Variants in PHC2 observed in about 807,000 individuals in gnomAD.
PHC2 encodes the protein polyhomeotic homolog 2.
A neutral mutation model predicts 87.4 loss-of-function variants in PHC2; 29 were observed. The observed-to-expected ratio is 0.33, with a 90% CI of 0.25 to 0.45. The LOEUF (loss-of-function observed/expected upper bound fraction) is 0.45, where lower values mean the gene tolerates loss of function less well. Among genes scored for constraint, PHC2 ranks in the 20% least tolerant of loss-of-function variants. PHC2 has a pLI of 1.00. For synonymous variants in PHC2, 438 were observed against 461.7 expected (o/e 0.95, Z 0.66); for missense variants, 857 against 1,136.7 (o/e 0.75, Z 3.54).
At chr1:33,384,994 T>C (rs927873755) in intron 1 of PHC2, among the ~76,000 whole-genome samples, 7 of 152,236 alleles carry the variant, frequency 4.6e-5, no homozygotes, top group Admixed American at 3.9e-4. Flanking sequence ...GAAGGGACCT[T>C]TGAAACTATT....
Position 33,332,117 on chromosome 1 carries a change from CCT to C in PHC2, c.1891+156_1891+157del, listed in dbSNP as rs1646512891. Among the ~76,000 whole-genome samples the C allele has an allele frequency of 6.6e-6, 1 of 152,196 alleles. No individual in the cohort carries two copies. Among genetic ancestry groups the C allele is most frequent in the Non-Finnish European group, 1.5e-5 (1 of 68,042 alleles). ...CATGGTTCCCGTGATTTCCCCTATC[CCT>C]CTTTTTGAGGGAAGGAGGCTGAGGA... On this transcript the variant is annotated intron_variant, in intron 11 of 14. Transcript: ENST00000683057. This position sits in a 1 kb window ranked among gnomAD's most constrained non-coding sequence, Gnocchi z 4.2.
intron 1 of PHC2, chr1:33,392,642 T>G (rs930374155): frequency 6.6e-6 from 1 of 152,200 alleles, no homozygotes; most frequent in Non-Finnish European, 1.5e-5. Context: ...AATATTGGTT[T>G]GACTGAGTAA....
At chr1:33,407,433 A>G (rs6425817) in intron 1 of PHC2, among the ~76,000 whole-genome samples, 108,987 of 151,744 alleles carry the variant, frequency 0.72, 39,950 homozygotes, top group African/African-American at 0.87. Flanking sequence ...AGCACCAGAA[A>G]CCACTACTAG....
rs929188447 is a variant in PHC2, at chr1:33,431,065, C to T, written c.-144G>A. The T allele has an allele frequency of 2.0e-5, 3 of 151,908 alleles. No individual in the cohort carries two copies. In the East Asian group the frequency reaches 5.8e-4, roughly 29 times the overall value. 9.4% of individuals were successfully genotyped at this position (151,908 alleles called of 1,614,324 possible). A position where few individuals can be genotyped will look rare whatever the true frequency, so the allele number is the denominator to read the frequency against. ...GCCCCCTCGGCTCGGCGCCGCGCAC[C>T]CTGCTGGCTGCTCGGACGCTGCCCG... On this transcript the variant is annotated 5_prime_UTR_variant, in exon 1 of 15. Transcript: ENST00000683057.
intron 1 of PHC2, among the ~76,000 whole-genome samples, chr1:33,425,303 C>A (rs1184331228): frequency 6.6e-6 from 1 of 152,180 alleles, no homozygotes; most frequent in East Asian, 1.9e-4. Context: ...TTACATTTAA[C>A]CTTCAACAAC....
At chr1:33,400,114 T>C (rs1183767378) in intron 1 of PHC2, among the ~76,000 whole-genome samples, 3 of 152,170 alleles carry the variant, frequency 2.0e-5, no homozygotes, top group African/African-American at 7.2e-5. Context: ...AAGTATAAGA[T>C]TGGTAAACAT....
In PHC2 at chr1:33,367,338, G is replaced by C. The variant is rs561418548; in HGVS notation, c.754C>G (p.Leu252Val). Residue 252 changes from leucine to valine, a missense_variant, in exon 7 of 15, where the codon CTG becomes GTG. This residue lies in a region of PHC2 where 832 missense variants were observed against 1,081.8 expected (regional missense o/e 0.77). Transcript: ENST00000683057. ...TGGCTACCGCCCGGCGTGGGTTTCA[G>C]GGCCAAGCTGGGCAGGACAGGCTGA... ...PTQPVLPSLA[L>V]KPTPGGSQPL... 3.1e-6 allele frequency: 5 copies of C among 1,613,152 alleles called. No individual in the cohort carries two copies. Among genetic ancestry groups the C allele is most frequent in the East Asian group, 2.2e-5 (1 of 44,842 alleles).
In PHC2 at chr1:33,431,038, C is replaced by T. The variant is rs1650902687; in HGVS notation, c.-117G>A. ...TCTCTCCCGGGGGCCGCCCCTCAGCCCGCCCCCTCGGCTCGGCGCCGCGCA... is the reference window on the plus strand; with the variant it reads ...TCTCTCCCGGGGGCCGCCCCTCAGCTCGCCCCCTCGGCTCGGCGCCGCGCA... On this transcript the variant is annotated 5_prime_UTR_variant, in exon 1 of 15. Coordinates refer to ENST00000683057, the MANE Select transcript of PHC2 (RefSeq NM_001385109.1). 6.6e-6 allele frequency: 1 copy of T among 152,246 alleles called. No homozygotes were observed. Among genetic ancestry groups the T allele is most frequent in the African/African-American group, 2.4e-5 (1 of 41,456 alleles). The allele number at this position is 152,246 out of a possible 1,614,324, so 9.4% of individuals were successfully genotyped here. A position where few individuals can be genotyped will look rare whatever the true frequency, so the allele number is the denominator to read the frequency against.
At chr1:33,414,177 T>TCACACA (rs201845759) in intron 1 of PHC2, among the ~76,000 whole-genome samples, 5,553 of 142,764 alleles carry the variant, frequency 0.039, 121 homozygotes, top group Admixed American at 0.055. Flanking sequence ...TCTCTCTCTG[T>TCACACA]CACACACACA....
chr1:33,356,234 T>C (rs1009527234), intron 7 of PHC2, among the ~76,000 whole-genome samples: 1 of 141,772 alleles, frequency 7.1e-6, no homozygotes, highest in Non-Finnish European at 1.5e-5. Context: ...GGCTGACTCT[T>C]TGAGGTGAAA....
chr1:33,370,035 G>A lies in PHC2; in HGVS notation c.576+386C>T, dbSNP rs1033593672. On this transcript the variant is annotated intron_variant, in intron 5 of 14. Transcript: ENST00000683057. ...AGAGGTGGCCAGTCCTTGTAAGGAT[G>A]GTGGGAAGGGGAAGACTCCATTTCT... is the stretch of plus-strand genomic sequence containing the variant. Among the ~76,000 whole-genome samples, 8 of 152,250 alleles carry A rather than the reference G, an allele frequency of 5.3e-5. No homozygotes were observed. In the South Asian group the frequency reaches 1.5e-3, roughly 28 times the overall value.
chr1:33,365,458 A>G (rs1287265043), intron 7 of PHC2, among the ~76,000 whole-genome samples: 1 of 152,176 alleles, frequency 6.6e-6, no homozygotes, highest in Non-Finnish European at 1.5e-5. Context: ...GGTTCTCAGG[A>G]AGGCCTGAGA....
chr1:33,413,690 G>A (rs1424767945), intron 1 of PHC2, among the ~76,000 whole-genome samples: 1 of 152,216 alleles, frequency 6.6e-6, no homozygotes, highest in African/African-American at 2.4e-5. Context: ...GCAGCAGGTG[G>A]TATGGTATTG....
intron 1 of PHC2, among the ~76,000 whole-genome samples, chr1:33,409,396 C>A (rs1406693451): frequency 6.6e-6 from 1 of 151,734 alleles, no homozygotes; most frequent in Non-Finnish European, 1.5e-5. Flanking sequence ...GTAACAAGAT[C>A]TTTTTTTAAA....
intron 9 of PHC2, among the ~76,000 whole-genome samples, chr1:33,348,424 G>A (rs1335572232): frequency 6.6e-6 from 1 of 152,188 alleles, no homozygotes; most frequent in East Asian, 1.9e-4. Context: ...AAAATCCCAG[G>A]TGAATGATAA....
In PHC2 at chr1:33,325,839, G is replaced by A. The variant is rs1046457387; in HGVS notation, c.2426-820C>T. ...ATCAAACAGCTCTATAGATGTGGGCGTGGCCTCAGAACTGGCCACAGGCAG... is the reference window on the plus strand; with the variant it reads ...ATCAAACAGCTCTATAGATGTGGGCATGGCCTCAGAACTGGCCACAGGCAG... On this transcript the variant is annotated intron_variant, in intron 14 of 14. Transcript: ENST00000683057. 3.1e-5 allele frequency: 14 copies of A among 456,358 alleles called. No individual in the cohort carries two copies. In the East Asian group the frequency reaches 7.6e-4, roughly 25 times the overall value. 28.3% of individuals were successfully genotyped at this position (456,358 alleles called of 1,614,324 possible).
At chr1:33,418,549 T>C (rs996911518) in intron 1 of PHC2, among the ~76,000 whole-genome samples, 18 of 152,188 alleles carry the variant, frequency 1.2e-4, no homozygotes, top group African/African-American at 4.1e-4. Context: ...CAAGAAGATA[T>C]AGATAACCTG....
chr1:33,393,463 G>GTTTTTTTTT (rs36030279), intron 1 of PHC2, among the ~76,000 whole-genome samples: 1 of 131,044 alleles, frequency 7.6e-6, no homozygotes, highest in Non-Finnish European at 1.6e-5. Context: ...TTTTCAAGAG[G>GTTTTTTTTT]TTTTTTTTTT....
intron 1 of PHC2, among the ~76,000 whole-genome samples, chr1:33,424,114 AAAAAAAC>A (rs535827601): frequency 0.013 from 1,920 of 151,926 alleles, 22 homozygotes; most frequent in Non-Finnish European, 0.019. Flanking sequence ...AAAAAAAACA[AAAAAAAC>A]AAAAAACAAA....
Sources: gnomAD v4.1 joint callset for allele counts (sites outside exome capture counted in the v4.1 genomes callset) on GRCh38, gnomAD v4.1.1 for gene constraint, gnomAD v4.1.1 regional missense constraint, Gnocchi (gnomAD v3.1) non-coding constraint, MANE v1.5 for transcripts, NCBI Gene and HGNC (gene_info 2026-07-23, HGNC 2026-07-21) for gene names.